SRGAP2: variants seen among roughly 807,000 people sequenced by gnomAD.
SRGAP2 encodes SLIT-ROBO Rho GTPase-activating protein 2.
SRGAP2 carries 15 observed loss-of-function variants against 57.2 expected under a neutral mutation model. The ratio of observed to expected loss-of-function variants is 0.26; its 90% CI spans 0.18 to 0.40. The LOEUF (loss-of-function observed/expected upper bound fraction) is 0.40. Ranked by LOEUF, SRGAP2 falls within the 10% of genes least tolerant of loss-of-function variation. The pLI is 1.00. For missense variants in SRGAP2, 520 were observed against 669.6 expected (o/e 0.78, Z 2.47); for synonymous variants, 249 against 248.0 (o/e 1.00, Z -0.04).
intron 2 of SRGAP2, among the ~76,000 whole-genome samples, chr1:206,230,868 C>T (rs536536072): frequency 9.0e-5 from 13 of 144,224 alleles, no homozygotes; most frequent in South Asian, 8.5e-4. Flanking sequence ...CCTCGTGATC[C>T]GCTTACCTCG....
At chr1:206,371,455 G>A (rs1654540628) in intron 4 of SRGAP2, among the ~76,000 whole-genome samples, 1 of 151,798 alleles carries the variant, frequency 6.6e-6, no homozygotes, top group Non-Finnish European at 1.5e-5. Context: ...GATTGGCCGG[G>A]CACGGTGGCT....
chr1:206,450,411 T>C lies in SRGAP2; in HGVS notation c.2125T>C (p.Ser709Pro). The change falls in exon 19 of 23, where the codon TCG becomes CCG. Residue 709 changes from serine to proline, a missense_variant. By Grantham distance (74) the Ser-to-Pro change is moderately conservative. This residue lies in a region of SRGAP2 where 478 missense variants were observed against 373.6 expected (regional missense o/e 1.28). Transcript: ENST00000573034. ...YCDSPHGETT[S>P]VEDSTQDVTA... ...TGATAGCCCTCATGGAGAGACTACC[T>C]CGGTTGAAGACTCAACCCAGGATGT... 1.3e-6 allele frequency: 1 copy of C among 780,862 alleles called. No homozygotes were observed. Among genetic ancestry groups the C allele is most frequent in the Admixed American group, 1.7e-5 (1 of 59,038 alleles). The allele number at this position is 780,862 out of a possible 1,614,324, so 48.4% of individuals were successfully genotyped here.
intron 2 of SRGAP2, among the ~76,000 whole-genome samples, chr1:206,213,558 G>A (rs1666447813): frequency 6.6e-6 from 1 of 151,758 alleles, no homozygotes; most frequent in African/African-American, 2.4e-5. Flanking sequence ...ACAGGATGGA[G>A]TGAGAAAGAA....
chr1:206,210,388 C>T (rs1666237559), intron 2 of SRGAP2, among the ~76,000 whole-genome samples: 1 of 98,360 alleles, frequency 1.0e-5, no homozygotes. Flanking sequence ...TTCTCGAGAA[C>T]ATTAGGGGTC....
chr1:206,272,442 C>T (rs1257970248), intron 2 of SRGAP2, among the ~76,000 whole-genome samples: 5 of 151,838 alleles, frequency 3.3e-5, no homozygotes, highest in Admixed American at 1.3e-4. Flanking sequence ...GATGGAGTCT[C>T]GCTCCGTCAC....
Position 206,347,572 on chromosome 1 carries a change from G to A in SRGAP2, c.423+4564G>A, listed in dbSNP as rs1225274650. Among the ~76,000 whole-genome samples, 24 of 150,570 alleles carry A rather than the reference G, an allele frequency of 1.6e-4. No individual in the cohort carries two copies. The East Asian group carries it at 3.5e-3, about 22-fold the overall frequency. On this transcript the variant is annotated intron_variant, in intron 4 of 22. Coordinates refer to ENST00000573034, the MANE Select transcript of SRGAP2 (RefSeq NM_015326.5). ...AGTCTAGGCAACAGAGCAAGACTTC[G>A]TCTCAGAAAAAAAGAAGAGAGAGAG...
intron 20 of SRGAP2, 87 bp downstream of exon 20, chr1:206,453,467 G>A (rs1298242924): frequency 1.5e-5 from 7 of 481,238 alleles, no homozygotes; most frequent in Non-Finnish European, 2.7e-5. Context: ...AGGACTATGA[G>A]GGAGGCCAAC....
intron 3 of SRGAP2, among the ~76,000 whole-genome samples, chr1:206,335,917 C>T (rs570730662): frequency 3.3e-5 from 5 of 152,192 alleles, no homozygotes; most frequent in Non-Finnish European, 5.9e-5. Flanking sequence ...TTAGTGTCTA[C>T]GATAGCTTAA....
chr1:206,260,264 G>A (rs1229928188), intron 2 of SRGAP2, among the ~76,000 whole-genome samples: 1 of 130,344 alleles, frequency 7.7e-6, no homozygotes, highest in Admixed American at 8.0e-5. Flanking sequence ...CATGAGGTTA[G>A]TGACTTCTGA....
At chr1:206,301,435 C>A (rs1474414605) in intron 2 of SRGAP2, among the ~76,000 whole-genome samples, 1 of 151,510 alleles carries the variant, frequency 6.6e-6, no homozygotes, top group Non-Finnish European at 1.5e-5. Context: ...TTACTATCAG[C>A]TTTTCACTAA....
intron 4 of SRGAP2, among the ~76,000 whole-genome samples, chr1:206,373,099 CTTTTTTT>C (rs1192726235): frequency 1.4e-4 from 9 of 66,436 alleles, no homozygotes; most frequent in African/African-American, 1.7e-4. Context: ...CTTTTTTTTT[CTTTTTTT>C]TTTTTTTTTT....
At chr1:206,347,327 C>A (rs1218302444) in intron 4 of SRGAP2, among the ~76,000 whole-genome samples, 2 of 151,812 alleles carry the variant, frequency 1.3e-5, no homozygotes, top group African/African-American at 4.8e-5. Flanking sequence ...CCTGTAATCG[C>A]AGCGCTTTGG....
At chr1:206,410,499 C>T (rs1659121090) in intron 10 of SRGAP2, among the ~76,000 whole-genome samples, 1 of 152,160 alleles carries the variant, frequency 6.6e-6, no homozygotes, top group Non-Finnish European at 1.5e-5. Context: ...CTCCCCTCTG[C>T]TGGTGATTGA....
At chr1:206,263,416 G>A (rs2102631990) in intron 2 of SRGAP2, among the ~76,000 whole-genome samples, 1 of 150,552 alleles carries the variant, frequency 6.6e-6, no homozygotes, top group South Asian at 2.1e-4. Context: ...GCAGTTGCCA[G>A]TATGGGACAG....
At chr1:206,427,464 C>CA (rs1660899100) in intron 13 of SRGAP2, among the ~76,000 whole-genome samples, 1 of 152,230 alleles carries the variant, frequency 6.6e-6, no homozygotes, top group East Asian at 1.9e-4. Context: ...ACCGTCCTGA[C>CA]ACCAGCTCCA....
chr1:206,241,094 G>A (rs1320112796), intron 2 of SRGAP2, among the ~76,000 whole-genome samples: 1 of 152,144 alleles, frequency 6.6e-6, no homozygotes, highest in Non-Finnish European at 1.5e-5. Flanking sequence ...TGAGGCAGGA[G>A]GATCACCTAA....
At chr1:206,413,955 A>C (rs1411718837) in intron 10 of SRGAP2, among the ~76,000 whole-genome samples, 1 of 152,140 alleles carries the variant, frequency 6.6e-6, no homozygotes, top group African/African-American at 2.4e-5. Flanking sequence ...GCAAGCTCTT[A>C]GTTAAAAGTT....
At chr1:206,417,318 G>A (rs1659815691) in intron 11 of SRGAP2, among the ~76,000 whole-genome samples, 2 of 151,580 alleles carry the variant, frequency 1.3e-5, no homozygotes, top group South Asian at 2.1e-4. Flanking sequence ...TGGCCAGGCT[G>A]GTCTCAATCT....
intron 2 of SRGAP2, among the ~76,000 whole-genome samples, chr1:206,256,870 G>GT (rs1195355198): frequency 3.3e-5 from 5 of 151,858 alleles, no homozygotes; most frequent in African/African-American, 1.2e-4. Context: ...TACTTATTGA[G>GT]TTACCACATT....
Sources: allele counts gnomAD v4.1 joint callset (sites outside exome capture counted in the v4.1 genomes callset), GRCh38; gene constraint gnomAD v4.1.1; regional missense constraint gnomAD v4.1.1; transcripts MANE v1.5; gene names NCBI Gene and HGNC (gene_info 2026-07-23, HGNC 2026-07-21).